KIAA1217: variants seen among roughly 807,000 people sequenced by gnomAD.
The protein encoded by KIAA1217 is KIAA1217, also known as sickle tail protein homolog.
KIAA1217 carries 88 observed loss-of-function variants against 163.9 expected under a neutral mutation model. The ratio of observed to expected loss-of-function variants is 0.54; its 90% CI spans 0.45 to 0.64. The LOEUF (loss-of-function observed/expected upper bound fraction) is 0.64, where lower values mean the gene tolerates loss of function less well. Among genes scored for constraint, KIAA1217 ranks in the 30% least tolerant of loss-of-function variants. KIAA1217 has a pLI of 0.00. For missense variants in KIAA1217, 2,372 were observed against 2,475.0 expected (o/e 0.96, Z 0.88); for synonymous variants, 903 against 923.1 (o/e 0.98, Z 0.39).
At chr10:24,051,042 A>G (rs1055918753) in intron 2 of KIAA1217, among the ~76,000 whole-genome samples, 10 of 152,226 alleles carry the variant, frequency 6.6e-5, no homozygotes, top group South Asian at 2.1e-4. Context: ...TGTACACTCT[A>G]CCCAATATGT....
rs532438425 is a variant in KIAA1217 at position 24,032,352 on chromosome 10, T to TAGCTGGGAAGA, written c.-171+24980_-171+24981insCTGGGAAGAAG. ...ATGGCCCACTGCAACCTCGGCCTCC[T>TAGCTGGGAAGA]AGGTGCAAGCATTCTTCCCACCTCA... On this transcript the variant is annotated intron_variant, in intron 2 of 18. Transcript: ENST00000376462. Among the ~76,000 whole-genome samples, 642 of 152,188 alleles carry TAGCTGGGAAGA rather than the reference T, an allele frequency of 4.2e-3. 4 individuals carry two copies. Among genetic ancestry groups the TAGCTGGGAAGA allele is most frequent in the African/African-American group, 0.015 (608 of 41,530 alleles).
At chr10:23,699,861 C>G (rs987409065) in intron 1 of KIAA1217, among the ~76,000 whole-genome samples, 4 of 152,088 alleles carry the variant, frequency 2.6e-5, no homozygotes, top group African/African-American at 7.2e-5. Flanking sequence ...TCCTCCAGAT[C>G]GTAAGTTTTA....
intron 1 of KIAA1217, among the ~76,000 whole-genome samples, chr10:23,755,821 T>C (rs757933594): frequency 6.6e-6 from 1 of 152,216 alleles, no homozygotes; most frequent in South Asian, 2.1e-4. Flanking sequence ...ATGTTCAGGA[T>C]TGTGAACCAG....
At chr10:24,065,258 C>T (rs1304984639) in intron 2 of KIAA1217, among the ~76,000 whole-genome samples, 2 of 152,012 alleles carry the variant, frequency 1.3e-5, no homozygotes, top group Non-Finnish European at 2.9e-5. Flanking sequence ...TAGATCTTTC[C>T]TGCTTTCTCT....
At chr10:24,351,474 T>G (rs2048453847) in intron 2 of KIAA1217, among the ~76,000 whole-genome samples, 1 of 152,182 alleles carries the variant, frequency 6.6e-6, no homozygotes, top group Admixed American at 6.5e-5. Flanking sequence ...TGGATATAGC[T>G]GTGTTACATG....
chr10:24,244,851 C>T (rs1447371703), intron 2 of KIAA1217, among the ~76,000 whole-genome samples: 2 of 152,096 alleles, frequency 1.3e-5, no homozygotes, highest in Non-Finnish European at 2.9e-5. Flanking sequence ...AGACATGAGC[C>T]AGTGCTTCCG....
chr10:24,228,593 G>C (rs962071917), intron 2 of KIAA1217, among the ~76,000 whole-genome samples: 2 of 152,092 alleles, frequency 1.3e-5, no homozygotes, highest in Non-Finnish European at 2.9e-5. Flanking sequence ...AGGTCACCAT[G>C]ACAGAGAGAG....
intron 5 of KIAA1217, among the ~76,000 whole-genome samples, chr10:24,463,301 T>A (rs2062614298): frequency 6.6e-6 from 1 of 152,210 alleles, no homozygotes; most frequent in African/African-American, 2.4e-5. Context: ...GTCAGCCAGG[T>A]CTGGCCACTG....
At chr10:23,697,758 T>C (rs1836141566) in intron 1 of KIAA1217, among the ~76,000 whole-genome samples, 1 of 151,574 alleles carries the variant, frequency 6.6e-6, no homozygotes, top group Non-Finnish European at 1.5e-5. Flanking sequence ...GCACCTGTGA[T>C]CCCAGCTACT....
chr10:24,465,964 A>T (rs1306479151), intron 5 of KIAA1217, among the ~76,000 whole-genome samples: 1 of 152,124 alleles, frequency 6.6e-6, no homozygotes, highest in African/African-American at 2.4e-5. Flanking sequence ...GGGTGATTGC[A>T]GTTCCTTGCC....
At chr10:24,102,610 C>T (rs1385919051) in intron 2 of KIAA1217, among the ~76,000 whole-genome samples, 2 of 152,088 alleles carry the variant, frequency 1.3e-5, no homozygotes, top group Non-Finnish European at 1.5e-5. Flanking sequence ...AGAACAAAGT[C>T]GAAGGACTGA....
At chr10:24,507,727 A>G (rs1480049601) in intron 9 of KIAA1217, among the ~76,000 whole-genome samples, 1 of 152,228 alleles carries the variant, frequency 6.6e-6, no homozygotes. Context: ...ATTTGATGAA[A>G]GCTGTAAATC....
At chr10:24,191,794 C>T (rs1346803363) in intron 2 of KIAA1217, among the ~76,000 whole-genome samples, 1 of 152,154 alleles carries the variant, frequency 6.6e-6, no homozygotes, top group East Asian at 1.9e-4. Context: ...CGCTCTGTTG[C>T]CCAGGCTGGA....
intron 2 of KIAA1217, among the ~76,000 whole-genome samples, chr10:24,260,402 C>A (rs76936318): frequency 6.6e-6 from 1 of 151,876 alleles, no homozygotes; most frequent in Non-Finnish European, 1.5e-5. Flanking sequence ...GTGCCATAAT[C>A]GACATTTCAG....
At chr10:24,310,131 A>T (rs1164770086) in intron 2 of KIAA1217, among the ~76,000 whole-genome samples, 1 of 152,138 alleles carries the variant, frequency 6.6e-6, no homozygotes, top group Non-Finnish European at 1.5e-5. Context: ...TAAGCAGGAG[A>T]AGTATTTTTA....
chr10:24,484,243 T>TATATATA (rs1564772271), intron 6 of KIAA1217, among the ~76,000 whole-genome samples: 2 of 45,940 alleles, frequency 4.4e-5, no homozygotes, highest in African/African-American at 1.5e-4. Flanking sequence ...ATATATATAT[T>TATATATA]TTTTTTTTTT....
chr10:23,721,054 T>A (rs1175717180), intron 1 of KIAA1217, among the ~76,000 whole-genome samples: 2 of 152,238 alleles, frequency 1.3e-5, no homozygotes, highest in Admixed American at 1.3e-4. Flanking sequence ...GAGGCTTTAG[T>A]AGTCTTCAAG....
chr10:23,900,096 C>T (rs1418019110), intron 1 of KIAA1217, among the ~76,000 whole-genome samples: 2 of 151,718 alleles, frequency 1.3e-5, no homozygotes, highest in Admixed American at 6.6e-5. Context: ...AACCTCCCCT[C>T]ATGAGTTCAA....
intron 1 of KIAA1217, among the ~76,000 whole-genome samples, chr10:23,878,025 A>G (rs912634516): frequency 2.6e-5 from 4 of 151,918 alleles, no homozygotes; most frequent in African/African-American, 9.7e-5. Context: ...TTACCAGGTA[A>G]CACAGATGCG....
Sources: allele counts gnomAD v4.1 joint callset (sites outside exome capture counted in the v4.1 genomes callset), GRCh38; gene constraint gnomAD v4.1.1; transcripts MANE v1.5; gene names NCBI Gene and HGNC (gene_info 2026-07-23, HGNC 2026-07-21).